Variants in DMXL1 observed in about 807,000 individuals in gnomAD.
DMXL1 encodes the protein Dmx like 1, also known as dmX-like protein 1.
DMXL1 carries 99 observed loss-of-function variants against 319.2 expected under a neutral mutation model. The ratio of observed to expected loss-of-function variants is 0.31; its 90% confidence interval spans 0.26 to 0.37. DMXL1 has a LOEUF of 0.37. DMXL1 is among the 10% of genes least tolerant of loss of function. The probability of loss-of-function intolerance (pLI) is 1.00; values close to 1 mark genes in which losing one functional copy is unlikely to be tolerated. For missense variants in DMXL1, 3,745 were observed against 3,595.6 expected, an observed-to-expected ratio of 1.04 and a Z score of -1.06; for synonymous variants, 1,385 against 1,235.2, an observed-to-expected ratio of 1.12 and a Z score of -2.54.
chr5:119,101,680 G>T (rs953499788), intron 2 of DMXL1, among the ~76,000 whole-genome samples: 3 of 152,178 alleles, frequency 2.0e-5, no homozygotes, highest in Non-Finnish European at 4.4e-5. Flanking sequence ...TGTTAGGAAG[G>T]TAGTGTTGTA....
chr5:119,189,232 T>G (rs1170815180), intron 28 of DMXL1, among the ~76,000 whole-genome samples: 1 of 152,218 alleles, frequency 6.6e-6, no homozygotes, highest in African/African-American at 2.4e-5. Flanking sequence ...GTTTAAGTAG[T>G]TATGGTGCCT....
In DMXL1 at chr5:119,196,512, GTTGTTTTTTTTT is replaced by G. The variant is rs1779657294; in HGVS notation, c.7543+59_7543+70del. On this transcript the variant is annotated intron_variant, in intron 31 of 43. Coordinates refer to ENST00000539542, the MANE Select transcript of DMXL1 (RefSeq NM_001290321.3). ...GCCATTGCTTTTGACTTACTACTCT[GTTGTTTTTTTTT>G]TTTTTTTTTTGGTCTGGACTGGGGG... 1.1e-5 allele frequency: 7 copies of G among 656,608 alleles called. No individual in the cohort carries two copies. The South Asian group carries it at 1.5e-4, about 14-fold the overall frequency. The allele number at this position is 656,608 out of a possible 1,614,324, so 40.7% of individuals were successfully genotyped here. A position where few individuals can be genotyped will look rare whatever the true frequency, so the allele number is the denominator to read the frequency against.
chr5:119,194,425 T>G (rs1779242738), intron 30 of DMXL1, among the ~76,000 whole-genome samples: 1 of 152,254 alleles, frequency 6.6e-6, no homozygotes. Flanking sequence ...CATACACATG[T>G]TCTAAATGCT....
chr5:119,129,485 T>G (rs1434757047), intron 10 of DMXL1, 62 bp downstream of exon 10: 3 of 1,243,902 alleles, frequency 2.4e-6, no homozygotes, highest in East Asian at 2.5e-5. Flanking sequence ...ATTTTCATAT[T>G]AGGGTAAAAC....
At chr5:119,199,186 C>T (rs1780216968) in intron 32 of DMXL1, among the ~76,000 whole-genome samples, 2 of 152,096 alleles carry the variant, frequency 1.3e-5, no homozygotes, top group Non-Finnish European at 2.9e-5. Flanking sequence ...CCATGCCTGG[C>T]CCCCAGTAGT....
intron 19 of DMXL1, among the ~76,000 whole-genome samples, chr5:119,152,425 T>C (rs1001860947): frequency 6.6e-6 from 1 of 152,174 alleles, no homozygotes; most frequent in African/African-American, 2.4e-5. Flanking sequence ...TATAATACAT[T>C]CTCAAATTTT....
chr5:119,186,586 A>G (rs1244110832), intron 28 of DMXL1, among the ~76,000 whole-genome samples: 5 of 152,238 alleles, frequency 3.3e-5, no homozygotes, highest in African/African-American at 1.2e-4. Context: ...TATTAACTTA[A>G]TAACCTTCCC....
chr5:119,235,156 G>A (rs969406331), intron 39 of DMXL1, among the ~76,000 whole-genome samples: 1 of 152,044 alleles, frequency 6.6e-6, no homozygotes, highest in Non-Finnish European at 1.5e-5. Flanking sequence ...TGATGAATTG[G>A]ATATTCAATT....
chr5:119,146,800 A>C (rs374155181), intron 15 of DMXL1, 37 bp from the exon 16 acceptor site: 1 of 1,570,478 alleles, frequency 6.4e-7, no homozygotes, highest in African/African-American at 1.4e-5. Flanking sequence ...TCTCTTTTAC[A>C]CATAGTAACA....
chr5:119,172,027 T>G, intron 25 of DMXL1, 58 bp downstream of exon 25: 1 of 1,449,058 alleles, frequency 6.9e-7, no homozygotes. Flanking sequence ...AACTACAAGA[T>G]AAATATTAAG....
chr5:119,071,588 C>A lies in DMXL1; in HGVS notation c.19C>A (p.Leu7Met), dbSNP rs1749569891. 2 of 1,605,414 alleles carry A rather than the reference C, an allele frequency of 1.2e-6. No individual in the cohort carries two copies. The highest frequency in any genetic ancestry group is 1.7e-5 in the Admixed American group (1 of 59,222). ...CGCCGACATGAACCTGCACCAGGTG[C>A]TGACCGGGGCTGTGAACCCTGGCGA... MNLHQV[L>M]TGAVNPGDHC... is the part of the protein sequence containing the mutation. Residue 7 changes from leucine (L) to methionine (M), a missense_variant, in exon 1 of 44, where the codon CTG (leucine) becomes ATG (methionine). By Grantham distance (15) the Leu-to-Met change is conservative (BLOSUM62 2). Transcript: ENST00000539542.
At chr5:119,202,935 T>G (rs148070342) in intron 32 of DMXL1, among the ~76,000 whole-genome samples, 3,056 of 145,432 alleles carry the variant, frequency 0.021, 110 homozygotes, top group African/African-American at 0.074. Context: ...ATATAATTTC[T>G]TACCTTCAGG....
chr5:119,178,191 G>A lies in DMXL1; in HGVS notation c.7082G>A (p.Gly2361Asp), dbSNP rs1282223807. The stretch of plus-strand genomic sequence containing the variant: ...GAGAAAATGTGGTCTGCTGTGTTTG[G>A]TGGAGGTGCACATGTTCCTAGCAAA... ...LNEKMWSAVFGGGAHVPSKEQ... is the reference protein window; with the variant it reads ...LNEKMWSAVFDGGAHVPSKEQ... The change falls in exon 28 of 44, where the codon GGT becomes GAT. Residue 2361 changes from glycine (G) to aspartate (D), a missense_variant. Transcript: ENST00000539542. 1.2e-6 allele frequency: 2 copies of A among 1,613,922 alleles called. No homozygotes were observed.
At chr5:119,196,903 A>G (rs1779740007) in intron 31 of DMXL1, among the ~76,000 whole-genome samples, 1 of 152,244 alleles carries the variant, frequency 6.6e-6, no homozygotes, top group African/African-American at 2.4e-5. Flanking sequence ...CAATTTAACC[A>G]AAGATTTTTA....
At chr5:119,223,062 T>G (rs1049239279) in intron 37 of DMXL1, among the ~76,000 whole-genome samples, 9 of 149,740 alleles carry the variant, frequency 6.0e-5, no homozygotes, top group South Asian at 4.3e-4. Context: ...GTTGTGTTTT[T>G]TTTTTTTTTT....
intron 1 of DMXL1, among the ~76,000 whole-genome samples, chr5:119,073,364 A>G (rs773841781): frequency 6.6e-6 from 1 of 152,148 alleles, no homozygotes; most frequent in Non-Finnish European, 1.5e-5. Context: ...GCCCAGCCCT[A>G]AGAATTTTTT....
At chr5:119,194,041 T>A in intron 30 of DMXL1, 71 bp downstream of exon 30, 2 of 1,115,584 alleles carry the variant, frequency 1.8e-6, no homozygotes, top group Non-Finnish European at 2.4e-6. Flanking sequence ...TTGAAAAAAT[T>A]ACATGTGAAA....
Position 119,149,179 on chromosome 5 carries a change from G to A in DMXL1, c.3352G>A (p.Ala1118Thr). 6.2e-7 allele frequency: 1 copy of A among 1,613,778 alleles called. No homozygotes were observed. The highest frequency in any genetic ancestry group is 8.5e-7 in the Non-Finnish European group (1 of 1,179,812). The change falls in exon 18 of 44, where the codon GCC becomes ACC. Residue 1118 changes from alanine (A) to threonine (T), a missense_variant. Physicochemically the swap from Ala to Thr is moderately conservative, Grantham distance 58. Coordinates refer to ENST00000539542, the MANE Select transcript of DMXL1 (RefSeq NM_001290321.3). ...CATTAGTGTTGATAGCAATTTAGTG[G>A]CCTATAATAAACAAGACATGTATTT... ...SGISVDSNLV[A>T]YNKQDMYLSS...
chr5:119,122,064 C>A (rs1272623573), intron 9 of DMXL1, among the ~76,000 whole-genome samples: 2 of 143,744 alleles, frequency 1.4e-5, no homozygotes, highest in Non-Finnish European at 3.1e-5. Flanking sequence ...CCCTCCCGGT[C>A]GGGGCGGCTG....
Sources: gnomAD v4.1 joint callset for allele counts (sites outside exome capture counted in the v4.1 genomes callset) on GRCh38, gnomAD v4.1.1 for gene constraint, MANE v1.5 for transcripts, NCBI Gene and HGNC (gene_info 2026-07-23, HGNC 2026-07-21) for gene names.